BOLL: variants seen among roughly 807,000 people sequenced by gnomAD.
BOLL encodes protein boule-like.
A neutral mutation model predicts 44.4 loss-of-function variants in BOLL; 23 were observed. That is an observed-to-expected ratio of 0.52 (90% confidence interval 0.37 to 0.73). The LOEUF (loss-of-function observed/expected upper bound fraction) is 0.73, where lower values mean the gene tolerates loss of function less well. Among genes scored for constraint, BOLL ranks in the 30% least tolerant of loss-of-function variants. The pLI is 0.00. For missense variants in BOLL, 287 were observed against 338.3 expected (o/e 0.85, Z 1.19); for synonymous variants, 97 against 110.8 (o/e 0.88, Z 0.78).
intron 2 of BOLL, among the ~76,000 whole-genome samples, chr2:197,781,238 A>T (rs1689764580): frequency 6.6e-6 from 1 of 152,154 alleles, no homozygotes; most frequent in Non-Finnish European, 1.5e-5. Context: ...AAATTCTAAC[A>T]TAGAAAGTGC....
chr2:197,746,899 G>GA lies in BOLL; in HGVS notation c.730-3741dup, dbSNP rs35300403. Among the ~76,000 whole-genome samples, 158 of 94,066 alleles carry GA rather than the reference G, an allele frequency of 1.7e-3. 3 individuals are homozygous for GA. The highest frequency in any genetic ancestry group is 7.6e-3 in the Admixed American group (66 of 8,718). The allele number at this position is 94,066 out of a possible 152,430, so 61.7% of individuals were successfully genotyped here. On this transcript the variant is annotated intron_variant, in intron 9 of 10. Coordinates refer to ENST00000392296, the MANE Select transcript of BOLL (RefSeq NM_033030.6). ...TGGTGACAGAGTGAGACTCTGTCTC[G>GA]AAAAAAAAAAAAAAAAAAAGCAGAG... is the stretch of plus-strand genomic sequence containing the variant.
chr2:197,758,193 T>C (rs954866030), intron 7 of BOLL, among the ~76,000 whole-genome samples: 14 of 152,194 alleles, frequency 9.2e-5, no homozygotes, highest in Non-Finnish European at 1.9e-4. Context: ...CATAAAAATT[T>C]GTATGTGAAT....
At chr2:197,773,353 G>A (rs1008108145) in intron 5 of BOLL, among the ~76,000 whole-genome samples, 2 of 151,764 alleles carry the variant, frequency 1.3e-5, no homozygotes, top group Admixed American at 6.6e-5. Context: ...GCATTGAACA[G>A]GGCCCTAGTG....
At position 197,728,392 on chromosome 2, in the gene BOLL, A is replaced by G. The variant is rs1294227649; in HGVS notation, c.*163T>C. ...CAGCTGAAAAAGCAAATTTCATCAA[A>G]TTTAGACAGCTTATAGTGGAATAAC... On this transcript the variant is annotated 3_prime_UTR_variant, in exon 11 of 11. Transcript: ENST00000392296. The G allele has an allele frequency of 1.7e-6, 2 of 1,174,926 alleles. No homozygotes were observed. The highest frequency in any genetic ancestry group is 5.0e-5 in the East Asian group (2 of 39,664). The allele number at this position is 1,174,926 out of a possible 1,614,324, so 72.8% of individuals were successfully genotyped here. A position where few individuals can be genotyped will look rare whatever the true frequency, so the allele number is the denominator to read the frequency against.
intron 9 of BOLL, among the ~76,000 whole-genome samples, chr2:197,755,275 C>T (rs753416166): frequency 4.6e-5 from 7 of 152,120 alleles, no homozygotes; most frequent in Non-Finnish European, 7.4e-5. Context: ...GAAACAGGAA[C>T]GCTTTTTTAC....
intron 10 of BOLL, among the ~76,000 whole-genome samples, chr2:197,729,659 A>AC (rs1433674888): frequency 3.3e-5 from 5 of 151,948 alleles, no homozygotes; most frequent in East Asian, 1.9e-4. Flanking sequence ...CTGACCCCTG[A>AC]CCCCCAAGCA....
intron 9 of BOLL, 145 bp from the exon 10 acceptor site, chr2:197,743,304 T>G: frequency 4.0e-6 from 2 of 496,652 alleles, no homozygotes; most frequent in Non-Finnish European, 7.0e-6. Flanking sequence ...TAACTTATAA[T>G]CTGATGAGTT....
Position 197,728,586 on chromosome 2 carries a change from G to A in BOLL, c.829-8C>T, listed in dbSNP as rs771761700. 4 of 1,578,442 alleles carry A rather than the reference G, an allele frequency of 2.5e-6. No individual in the cohort carries two copies. Among genetic ancestry groups the A allele is most frequent in the East Asian group, 4.5e-5 (2 of 44,654 alleles). On this transcript the variant is annotated splice_region_variant and splice_polypyrimidine_tract_variant and intron_variant, in intron 10 of 10. Transcript: ENST00000392296. Reference sequence around the variant, plus strand: ...ATGAATGCTCCACACTGTCTGTTAAGTAAAGAGAAAATATAGATCAGGAAG... The same window carrying A: ...ATGAATGCTCCACACTGTCTGTTAAATAAAGAGAAAATATAGATCAGGAAG...
intron 5 of BOLL, chr2:197,774,272 T>C (rs1446910270): frequency 1.2e-5 from 2 of 172,468 alleles, no homozygotes; most frequent in Non-Finnish European, 1.3e-5. Flanking sequence ...ATACATGATG[T>C]TTTTGCATAA....
In BOLL at chr2:197,771,058, C is replaced by T. The variant is rs577511268; in HGVS notation, c.480+797G>A. Among the ~76,000 whole-genome samples, 11 of 152,068 alleles carry T rather than the reference C, an allele frequency of 7.2e-5. No homozygotes were observed. In the East Asian group the frequency reaches 2.1e-3, roughly 29 times the overall value. ...AAAGAAACATGTAAACGTATGTTTACTGCGGCACTATTCACAATAGCAAAG... is the reference window on the plus strand; with the variant it reads ...AAAGAAACATGTAAACGTATGTTTATTGCGGCACTATTCACAATAGCAAAG... On this transcript the variant is annotated intron_variant, in intron 6 of 10. Coordinates refer to ENST00000392296, the MANE Select transcript of BOLL (RefSeq NM_033030.6).
chr2:197,752,819 G>A (rs977561659), intron 9 of BOLL, among the ~76,000 whole-genome samples: 1 of 152,128 alleles, frequency 6.6e-6, no homozygotes, highest in African/African-American at 2.4e-5. Context: ...ATTTCATATG[G>A]AACCAAAAAA....
intron 2 of BOLL, among the ~76,000 whole-genome samples, chr2:197,779,696 A>G (rs748828522): frequency 1.1e-4 from 17 of 152,008 alleles, no homozygotes; most frequent in Non-Finnish European, 2.1e-4. Context: ...TGGAATCATA[A>G]TTAGATTTAA....
chr2:197,775,005 T>C (rs1027724130), intron 5 of BOLL, among the ~76,000 whole-genome samples: 2 of 151,924 alleles, frequency 1.3e-5, no homozygotes, highest in African/African-American at 4.8e-5. Context: ...AAGTTAGTTA[T>C]AAATTTTACA....
chr2:197,729,601 T>C lies in BOLL; in HGVS notation c.829-1023A>G, dbSNP rs564523840. Among the ~76,000 whole-genome samples, 1,108 of 152,292 alleles carry C rather than the reference T, an allele frequency of 7.3e-3. 7 individuals carry two copies. The highest frequency in any genetic ancestry group is 0.014 in the Middle Eastern group (4 of 294). ...GAAGAGAGCAGTGGTTTTCCCAGCA[T>C]GCAGCTGGAGATCTGAGAACGGGCA... On this transcript the variant is annotated intron_variant, in intron 10 of 10. Transcript: ENST00000392296.
In BOLL at chr2:197,743,305, C is replaced by A; in HGVS notation, c.730-146G>T. On this transcript the variant is annotated intron_variant, in intron 9 of 10. Coordinates refer to ENST00000392296, the MANE Select transcript of BOLL (RefSeq NM_033030.6). ...CCCTTATGTTTAATTAACTTATAATCTGATGAGTTAATATAATGAATTAAC... is the reference window on the plus strand; with the variant it reads ...CCCTTATGTTTAATTAACTTATAATATGATGAGTTAATATAATGAATTAAC... 1.2e-5 allele frequency: 6 copies of A among 494,934 alleles called. No homozygotes were observed. In the South Asian group the frequency reaches 1.4e-4, roughly 11 times the overall value. The allele number at this position is 494,934 out of a possible 1,614,324, so 30.7% of individuals were successfully genotyped here.
intron 10 of BOLL, among the ~76,000 whole-genome samples, chr2:197,742,008 T>G (rs971601066): frequency 6.6e-6 from 1 of 152,148 alleles, no homozygotes; most frequent in Non-Finnish European, 1.5e-5. Context: ...GTGAAGGATA[T>G]TAACAGACAC....
chr2:197,754,147 G>A (rs1574833972), intron 9 of BOLL, among the ~76,000 whole-genome samples: 1 of 152,120 alleles, frequency 6.6e-6, no homozygotes, highest in Non-Finnish European at 1.5e-5. Context: ...GGGGTCGGGG[G>A]CACGGGGAGG....
intron 7 of BOLL, 134 bp downstream of exon 7, chr2:197,766,398 T>C: frequency 1.3e-6 from 1 of 794,956 alleles, no homozygotes; most frequent in Non-Finnish European, 2.1e-6. Flanking sequence ...ATCAATGTGG[T>C]TTTGATTCAC....
rs1321031536 is a variant in BOLL at position 197,771,989 on chromosome 2, C to T, written c.353-7G>A. ...GCTGGCATTATACTAGAACCTAAAGCAAAGATTAAATAATAATAATTGAAA... is the reference window on the plus strand; with the variant it reads ...GCTGGCATTATACTAGAACCTAAAGTAAAGATTAAATAATAATAATTGAAA... On this transcript the variant is annotated splice_region_variant and splice_polypyrimidine_tract_variant and intron_variant, in intron 5 of 10. Transcript: ENST00000392296. The T allele has an allele frequency of 3.2e-6, 5 of 1,549,700 alleles. No homozygotes were observed. Among genetic ancestry groups the T allele is most frequent in the Non-Finnish European group, 4.4e-6 (5 of 1,142,080 alleles).
Sources: allele counts gnomAD v4.1 joint callset (sites outside exome capture counted in the v4.1 genomes callset), GRCh38; gene constraint gnomAD v4.1.1; transcripts MANE v1.5; gene names NCBI Gene and HGNC (gene_info 2026-07-23, HGNC 2026-07-21).